Variants in ARHGAP8 observed in about 807,000 individuals in gnomAD.
The protein encoded by ARHGAP8 is rho GTPase-activating protein 8.
A neutral mutation model predicts 46.1 loss-of-function variants in ARHGAP8; 62 were observed. That is an observed-to-expected ratio of 1.34 (90% CI 1.10 to 1.66). ARHGAP8 has a LOEUF of 1.66. ARHGAP8 is among the 40% of genes most tolerant of loss of function. The pLI, the probability that ARHGAP8 is intolerant of heterozygous loss-of-function variation, is 0.00. For synonymous variants in ARHGAP8, 375 were observed against 243.1 expected (o/e 1.54, Z -5.05); for missense variants, 923 against 568.4 (o/e 1.62, Z -6.34).
intron 10 of ARHGAP8, among the ~76,000 whole-genome samples, chr22:44,857,839 G>A (rs1427006583): frequency 6.6e-6 from 1 of 152,130 alleles, no homozygotes; most frequent in African/African-American, 2.4e-5. Context: ...TGGTTGAAAT[G>A]CTTGACCTCT....
At chr22:44,772,885 C>T (rs1463746293) in intron 1 of ARHGAP8, among the ~76,000 whole-genome samples, 1 of 142,426 alleles carries the variant, frequency 7.0e-6, no homozygotes, top group Admixed American at 7.6e-5. Flanking sequence ...GTGGTGCAAT[C>T]ATGTCTCATT....
intron 10 of ARHGAP8, among the ~76,000 whole-genome samples, chr22:44,858,533 C>CTTTTT (rs10700242): frequency 0.02 from 1,771 of 89,704 alleles, 100 homozygotes; most frequent in East Asian, 0.073. Flanking sequence ...CCATACCCGG[C>CTTTTT]TTTTTTTTTT....
intron 6 of ARHGAP8, among the ~76,000 whole-genome samples, chr22:44,823,502 G>C (rs897550087): frequency 6.6e-6 from 1 of 152,082 alleles, no homozygotes; most frequent in Non-Finnish European, 1.5e-5. Context: ...TGAACGTGAA[G>C]CTGGAGGTCA....
intron 10 of ARHGAP8, among the ~76,000 whole-genome samples, chr22:44,858,816 C>T (rs576761344): frequency 4.0e-5 from 6 of 150,644 alleles, no homozygotes; most frequent in East Asian, 1.9e-4. Context: ...AAAGTGTGGG[C>T]GATTTGTGGT....
At chr22:44,839,304 A>G (rs1330960126) in intron 7 of ARHGAP8, among the ~76,000 whole-genome samples, 1 of 152,166 alleles carries the variant, frequency 6.6e-6, no homozygotes, top group Non-Finnish European at 1.5e-5. Flanking sequence ...GGAGCTGTGG[A>G]TTGCTGCTCA....
chr22:44,837,680 C>G (rs1399183436), intron 7 of ARHGAP8, among the ~76,000 whole-genome samples: 2 of 152,192 alleles, frequency 1.3e-5, no homozygotes, highest in Admixed American at 6.5e-5. Context: ...ACAAGCCTCT[C>G]TCTCCGAGCC....
At chr22:44,761,254 C>T (rs1485041865) in intron 1 of ARHGAP8, among the ~76,000 whole-genome samples, 4 of 152,190 alleles carry the variant, frequency 2.6e-5, no homozygotes, top group Non-Finnish European at 5.9e-5. Flanking sequence ...GTGGGCTCTG[C>T]ATCCGTGGCC....
rs565255467 is a variant in ARHGAP8, at chr22:44,814,632, A to G, written c.300-40A>G. 1.4e-5 allele frequency: 22 copies of G among 1,590,124 alleles called. No individual in the cohort carries two copies. The South Asian group carries it at 2.2e-4, about 16-fold the overall frequency. On this transcript the variant is annotated intron_variant, in intron 4 of 11. Coordinates refer to ENST00000356099, the MANE Select transcript of ARHGAP8 (RefSeq NM_181335.3). ...TTATTGGGCGTGGGGTGTTTCTCGG[A>G]GCGCGGCAGCCTGAAGTCATCCCCC...
chr22:44,782,501 C>T (rs1222602814), intron 1 of ARHGAP8, among the ~76,000 whole-genome samples: 1 of 152,128 alleles, frequency 6.6e-6, no homozygotes, highest in African/African-American at 2.4e-5. Flanking sequence ...CTCCCCTGCC[C>T]TCCCTCCCTC....
At chr22:44,814,641 G>T in intron 4 of ARHGAP8, 31 bp from the exon 5 acceptor site, 2 of 1,604,100 alleles carry the variant, frequency 1.2e-6, no homozygotes, top group Non-Finnish European at 1.7e-6. Context: ...GAGCGCGGCA[G>T]CCTGAAGTCA....
chr22:44,846,658 C>T (rs1321883235), intron 8 of ARHGAP8, among the ~76,000 whole-genome samples: 1 of 152,176 alleles, frequency 6.6e-6, no homozygotes, highest in South Asian at 2.1e-4. Context: ...AAGCCCTCTC[C>T]AATTCTGCCC....
At chr22:44,755,450 T>C (rs1301740397) in intron 1 of ARHGAP8, among the ~76,000 whole-genome samples, 2 of 152,212 alleles carry the variant, frequency 1.3e-5, no homozygotes, top group East Asian at 3.9e-4. Flanking sequence ...CCTTGGTCCT[T>C]TAATTAAAAC....
intron 1 of ARHGAP8, among the ~76,000 whole-genome samples, chr22:44,783,012 A>C (rs1926956106): frequency 6.6e-6 from 1 of 151,872 alleles, no homozygotes; most frequent in South Asian, 2.1e-4. Context: ...TGGTTCCCGC[A>C]GTGGGCCTGG....
In ARHGAP8 at chr22:44,820,908, G is replaced by A. The variant is rs151098062; in HGVS notation, c.387-1463G>A. On this transcript the variant is annotated intron_variant, in intron 5 of 11. Coordinates refer to ENST00000356099, the MANE Select transcript of ARHGAP8 (RefSeq NM_181335.3). ...GGCTGAGCTTTGGGCTGAGCACTGG[G>A]CGGCCGCTGTCCCTTTGGATTCTCC... is the stretch of plus-strand genomic sequence containing the variant. Among the ~76,000 whole-genome samples the A allele has an allele frequency of 8.0e-3, 1,225 of 152,258 alleles. 25 individuals carry two copies. Among genetic ancestry groups the A allele is most frequent in the African/African-American group, 0.028 (1,177 of 41,542 alleles).
At position 44,849,035 on chromosome 22, in the gene ARHGAP8, C is replaced by T. The variant is rs2070031150; in HGVS notation, c.852C>T (p.Ala284=). 1.9e-6 allele frequency: 3 copies of T among 1,613,928 alleles called. No individual in the cohort carries two copies. Among genetic ancestry groups the T allele is most frequent in the Admixed American group, 1.7e-5 (1 of 60,000 alleles). The change falls in exon 10 of 12, where the codon GCC becomes GCT. Residue 284 remains alanine (A), a synonymous_variant. Transcript: ENST00000356099. The part of the protein sequence containing the change: ...ELPQPLLTFQ[A]YEQILGITCV... ...CCCAGCCGCTTCTGACCTTCCAGGC[C>T]TACGAGCAGATTCTCGGGATCACCT... is the stretch of plus-strand genomic sequence containing the variant.
intron 1 of ARHGAP8, among the ~76,000 whole-genome samples, chr22:44,763,234 C>T (rs1925279671): frequency 6.6e-6 from 1 of 151,938 alleles, no homozygotes; most frequent in Non-Finnish European, 1.5e-5. Context: ...TGGTGGCTCA[C>T]ACCTGTAATC....
At chr22:44,860,887 A>G (rs1167545215) in intron 11 of ARHGAP8, among the ~76,000 whole-genome samples, 1 of 152,182 alleles carries the variant, frequency 6.6e-6, no homozygotes, top group Non-Finnish European at 1.5e-5. Context: ...GCCTGAGCAG[A>G]GTAGGCGTCA....
intron 7 of ARHGAP8, among the ~76,000 whole-genome samples, chr22:44,841,471 C>G (rs1931648613): frequency 2.0e-5 from 3 of 152,158 alleles, no homozygotes; most frequent in African/African-American, 2.4e-5. Context: ...AAGTGCACTC[C>G]TAGCTCCACG....
intron 7 of ARHGAP8, among the ~76,000 whole-genome samples, chr22:44,841,797 G>T (rs1030346582): frequency 2.6e-5 from 4 of 152,178 alleles, no homozygotes; most frequent in Admixed American, 1.3e-4. Context: ...CTTGGACGTG[G>T]TATATGTTGT....
Sources: allele counts gnomAD v4.1 joint callset (sites outside exome capture counted in the v4.1 genomes callset), GRCh38; gene constraint gnomAD v4.1.1; transcripts MANE v1.5; gene names NCBI Gene and HGNC (gene_info 2026-07-23, HGNC 2026-07-21).